CHSY3: variants seen among roughly 807,000 people sequenced by gnomAD.
The protein encoded by CHSY3 is N-acetylgalactosaminyl-proteoglycan 3-beta-glucuronosyltransferase 3.
Under a neutral mutation model 67.2 loss-of-function variants are expected in CHSY3, and 35 were observed. The ratio of observed to expected loss-of-function variants is 0.52; its 90% confidence interval spans 0.40 to 0.69. The LOEUF is 0.69. Ranked by LOEUF, CHSY3 falls within the 30% of genes least tolerant of loss-of-function variation. The probability of loss-of-function intolerance (pLI) is 0.00; values close to 1 mark genes in which losing one functional copy is unlikely to be tolerated. For missense variants in CHSY3, 1,069 were observed against 1,138.5 expected (o/e 0.94, Z 0.88); for synonymous variants, 474 against 434.7 (o/e 1.09, Z -1.12).
intron 2 of CHSY3, among the ~76,000 whole-genome samples, chr5:129,965,035 C>T (rs1762432041): frequency 1.3e-5 from 2 of 151,914 alleles, no homozygotes; most frequent in Non-Finnish European, 2.9e-5. Flanking sequence ...AATTGAAAAA[C>T]ATTTTCAAGT....
chr5:130,093,908 A>G (rs1368663927), intron 2 of CHSY3, among the ~76,000 whole-genome samples: 2 of 152,160 alleles, frequency 1.3e-5, no homozygotes, highest in Admixed American at 1.3e-4. Flanking sequence ...AAAGTACCAC[A>G]TCTCTTCTAT....
chr5:130,104,715 T>C (rs1767359830), intron 2 of CHSY3, among the ~76,000 whole-genome samples: 1 of 151,730 alleles, frequency 6.6e-6, no homozygotes, highest in Admixed American at 6.6e-5. Flanking sequence ...GACTTGTTAA[T>C]GTTTTTTGTT....
chr5:130,101,911 G>C (rs1014620521), intron 2 of CHSY3, among the ~76,000 whole-genome samples: 6 of 151,946 alleles, frequency 3.9e-5, no homozygotes, highest in African/African-American at 1.2e-4. Context: ...TGCTCCTTTT[G>C]TATTACATTT....
chr5:130,143,400 A>G (rs1768934352), intron 2 of CHSY3, among the ~76,000 whole-genome samples: 1 of 152,072 alleles, frequency 6.6e-6, no homozygotes, highest in African/African-American at 2.4e-5. Context: ...GGCCAAATTA[A>G]TCTATGCTAT....
intron 2 of CHSY3, chr5:130,140,994 C>T: frequency 2.2e-6 from 1 of 454,820 alleles, no homozygotes; most frequent in Non-Finnish European, 3.0e-6. Flanking sequence ...CTTGGAAATG[C>T]CAAACTAGAC....
At chr5:130,049,758 A>G (rs959263936) in intron 2 of CHSY3, among the ~76,000 whole-genome samples, 7 of 118,734 alleles carry the variant, frequency 5.9e-5, no homozygotes, top group East Asian at 2.6e-4. Flanking sequence ...CGTTCCCTAT[A>G]TATCTCCCCA....
intron 2 of CHSY3, among the ~76,000 whole-genome samples, chr5:129,988,012 A>C (rs987553685): frequency 6.6e-6 from 1 of 152,198 alleles, no homozygotes; most frequent in African/African-American, 2.4e-5. Context: ...TAGGTACCTG[A>C]AATAATCTAC....
intron 2 of CHSY3, among the ~76,000 whole-genome samples, chr5:130,058,338 G>T (rs1765601108): frequency 1.3e-5 from 2 of 152,068 alleles, no homozygotes; most frequent in South Asian, 2.1e-4. Context: ...ATATAATAGA[G>T]AATAAATGGC....
At chr5:130,172,320 C>T (rs79392629) in intron 2 of CHSY3, among the ~76,000 whole-genome samples, 3 of 4,100 alleles carry the variant, frequency 7.3e-4, no homozygotes, top group Non-Finnish European at 1.5e-3. Flanking sequence ...CTTTTCTTTT[C>T]TTTTCTTTTT....
At chr5:129,938,791 A>T (rs1761598053) in intron 2 of CHSY3, among the ~76,000 whole-genome samples, 1 of 152,180 alleles carries the variant, frequency 6.6e-6, no homozygotes, top group African/African-American at 2.4e-5. Flanking sequence ...GCATTTGATC[A>T]CAATAATTTA....
intron 2 of CHSY3, among the ~76,000 whole-genome samples, chr5:130,081,342 G>T (rs1181394332): frequency 6.7e-6 from 1 of 148,288 alleles, no homozygotes; most frequent in Admixed American, 6.8e-5. Flanking sequence ...GTGGGTGGGG[G>T]TGCTGCAGGA....
At chr5:130,156,138 C>G (rs1191440833) in intron 2 of CHSY3, among the ~76,000 whole-genome samples, 1 of 152,118 alleles carries the variant, frequency 6.6e-6, no homozygotes, top group Non-Finnish European at 1.5e-5. Context: ...AATTTAGTTA[C>G]TTGTTTTTCT....
chr5:130,059,547 T>A (rs572992842), intron 2 of CHSY3, among the ~76,000 whole-genome samples: 1 of 152,192 alleles, frequency 6.6e-6, no homozygotes, highest in African/African-American at 2.4e-5. Context: ...TACTCTGGGA[T>A]GATCTTAACT....
At chr5:130,173,187 G>C (rs774086761) in intron 2 of CHSY3, among the ~76,000 whole-genome samples, 2 of 151,966 alleles carry the variant, frequency 1.3e-5, no homozygotes, top group Admixed American at 1.3e-4. Context: ...TGGACTACAC[G>C]TTTTCAACAC....
At chr5:129,945,098 T>C (rs546274158) in intron 2 of CHSY3, among the ~76,000 whole-genome samples, 3 of 152,384 alleles carry the variant, frequency 2.0e-5, no homozygotes, top group African/African-American at 4.8e-5. Context: ...TGAGCCTGTT[T>C]GTTGGGCCAT....
intron 2 of CHSY3, among the ~76,000 whole-genome samples, chr5:130,080,066 A>C (rs1766398457): frequency 6.6e-6 from 1 of 151,820 alleles, no homozygotes; most frequent in East Asian, 1.9e-4. Context: ...ACACACACAC[A>C]CACAGAAAAA....
rs550851870 is a variant in CHSY3 at position 130,117,560 on chromosome 5, G to GT, written c.1087-66662dup. Among the ~76,000 whole-genome samples the GT allele has an allele frequency of 9.3e-3, 1,413 of 151,908 alleles. 27 individuals carry two copies. The highest frequency in any genetic ancestry group is 0.033 in the African/African-American group (1,351 of 41,440). On this transcript the variant is annotated intron_variant, in intron 2 of 2. Coordinates refer to ENST00000305031, the MANE Select transcript of CHSY3 (RefSeq NM_175856.5). ...CTGGGTGGCTGTTTTTGTTTCCCTG[G>GT]TTTTTTTGTTCATAAACAAGCTTAG...
chr5:130,085,100 G>T (rs1580717750), intron 2 of CHSY3, among the ~76,000 whole-genome samples: 1 of 151,924 alleles, frequency 6.6e-6, no homozygotes, highest in South Asian at 2.1e-4. Flanking sequence ...TAACTTTTCA[G>T]GTTAATATTG....
chr5:129,933,136 G>T (rs1459346657), intron 2 of CHSY3, among the ~76,000 whole-genome samples: 6 of 152,150 alleles, frequency 3.9e-5, no homozygotes, highest in Non-Finnish European at 8.8e-5. Flanking sequence ...CCTCCTCCAT[G>T]ATTGGAGGAT....
Sources: gnomAD v4.1 joint callset for allele counts (sites outside exome capture counted in the v4.1 genomes callset) on GRCh38, gnomAD v4.1.1 for gene constraint, MANE v1.5 for transcripts, NCBI Gene and HGNC (gene_info 2026-07-23, HGNC 2026-07-21) for gene names.